The following UNC80 variants were observed in gnomAD, a reference collection of about 807,000 sequenced individuals.
UNC80 encodes the protein unc-80 subunit of NALCN channel complex.
UNC80 carries 164 observed loss-of-function variants against 384.6 expected under a neutral mutation model. That is an observed-to-expected ratio of 0.43 (90% CI 0.38 to 0.49). The LOEUF is 0.49. Among genes scored for constraint, UNC80 ranks in the 20% least tolerant of loss-of-function variants. The pLI, the probability that UNC80 is intolerant of heterozygous loss-of-function variation, is 0.00. For missense variants in UNC80, 3,330 were observed against 4,143.0 expected, an observed-to-expected ratio of 0.80 and a Z score of 5.39; for synonymous variants, 1,486 against 1,527.8, an observed-to-expected ratio of 0.97 and a Z score of 0.64.
At chr2:209,979,019 C>T (rs914846994) in intron 59 of UNC80, among the ~76,000 whole-genome samples, 2 of 152,146 alleles carry the variant, frequency 1.3e-5, no homozygotes, top group African/African-American at 2.4e-5. Context: ...GAGGCCGAGG[C>T]GGGTGGATCA....
rs2093425795 is a variant in UNC80, at chr2:209,993,329, A to G, written c.9411A>G (p.Leu3137=). 6 of 1,551,890 alleles carry G rather than the reference A, an allele frequency of 3.9e-6. No homozygotes were observed. The highest frequency in any genetic ancestry group is 5.2e-6 in the Non-Finnish European group (6 of 1,146,932). ...KRGLRQLRRP[L]LSRQKTQTEP... is the part of the protein sequence containing the mutation. ...ATTCTCTTTAGCTAAGACGTCCTCT[A>G]CTATCACGTCAGAAAACTCAGACTG... is the stretch of plus-strand genomic sequence containing the variant. Residue 3137 remains leucine, a synonymous_variant, in exon 63 of 65, where the codon CTA becomes CTG. Transcript: ENST00000673920.
In UNC80 at chr2:209,864,987, GC is replaced by G. The variant is rs1256497979; in HGVS notation, c.3628-7770del. 5.9e-5 allele frequency among the ~76,000 whole-genome samples: 9 copies of G among 152,076 alleles called. 1 individual carries two copies. Among genetic ancestry groups the G allele is most frequent in the African/African-American group, 2.2e-4 (9 of 41,376 alleles). The stretch of plus-strand genomic sequence containing the variant: ...CTCTGGTGGCGTGAGTTCGTGAGGG[GC>G]ATCTTCGGATCTGTGGGTTGCACAA... On this transcript the variant is annotated intron_variant, in intron 22 of 64. Transcript: ENST00000673920.
chr2:209,945,013 G>A (rs2091845035), intron 45 of UNC80, 38 bp from the exon 46 acceptor site: 18 of 1,547,862 alleles, frequency 1.2e-5, no homozygotes, highest in Non-Finnish European at 1.5e-5. Context: ...TTTTACTGTG[G>A]TGGGAGTCAA....
intron 7 of UNC80, 147 bp from the exon 8 acceptor site, chr2:209,813,433 A>C: frequency 1.3e-6 from 1 of 781,604 alleles, no homozygotes; most frequent in Non-Finnish European, 2.0e-6. Flanking sequence ...GAGAGAGACC[A>C]GTTGGAAGGA....
At chr2:209,944,762 A>AAG (rs2091830942) in intron 45 of UNC80, among the ~76,000 whole-genome samples, 1 of 152,166 alleles carries the variant, frequency 6.6e-6, no homozygotes, top group Admixed American at 6.5e-5. Flanking sequence ...TCTTCAATTA[A>AAG]AGGAACCATT....
chr2:209,820,250 C>A lies in UNC80; in HGVS notation c.1963-61C>A. ...AATGGGTTAAACAGAATAATCAGAT[C>A]TCTTTAGGAAGAGGGAGTGCAGGTA... is the stretch of plus-strand genomic sequence containing the variant. On this transcript the variant is annotated intron_variant, in intron 12 of 64. Coordinates refer to ENST00000673920, the MANE Select transcript of UNC80 (RefSeq NM_001371986.1). 14 of 1,459,214 alleles carry A rather than the reference C, an allele frequency of 9.6e-6. No individual in the cohort carries two copies. In the South Asian group the frequency reaches 1.7e-4, roughly 17 times the overall value. 90.4% of individuals were successfully genotyped at this position (1,459,214 alleles called of 1,614,324 possible). A position where few individuals can be genotyped will look rare whatever the true frequency, so the allele number is the denominator to read the frequency against.
intron 13 of UNC80, 71 bp downstream of exon 13, chr2:209,820,750 G>A: frequency 6.9e-7 from 1 of 1,452,204 alleles, no homozygotes; most frequent in Non-Finnish European, 9.1e-7. Context: ...TTGCTTGCCA[G>A]CAGTTTATTG....
intron 61 of UNC80, among the ~76,000 whole-genome samples, chr2:209,985,614 A>G (rs2093270908): frequency 6.6e-6 from 1 of 152,236 alleles, no homozygotes; most frequent in Admixed American, 6.5e-5. Flanking sequence ...AAAGCTTCAG[A>G]AAAGGGGACT....
intron 5 of UNC80, among the ~76,000 whole-genome samples, chr2:209,786,612 G>A (rs2077441704): frequency 6.6e-6 from 1 of 152,032 alleles, no homozygotes; most frequent in Non-Finnish European, 1.5e-5. Context: ...TCATCTTAGT[G>A]TTGTATTGTT....
chr2:209,993,327 C>G lies in UNC80; in HGVS notation c.9409C>G (p.Leu3137Val), dbSNP rs909324570. The change falls in exon 63 of 65, where the codon CTA becomes GTA. Residue 3137 changes from leucine (L) to valine (V), a missense_variant. Around this residue, in one of 8 missense-constraint regions of UNC80, gnomAD observed 236 missense variants for 254.9 expected, o/e 0.93. Coordinates refer to ENST00000673920, the MANE Select transcript of UNC80 (RefSeq NM_001371986.1). ...KRGLRQLRRP[L>V]LSRQKTQTEP... Reference sequence around the variant, plus strand: ...CTATTCTCTTTAGCTAAGACGTCCTCTACTATCACGTCAGAAAACTCAGAC... The same window carrying G: ...CTATTCTCTTTAGCTAAGACGTCCTGTACTATCACGTCAGAAAACTCAGAC... The G allele has an allele frequency of 7.7e-6, 12 of 1,551,768 alleles. No homozygotes were observed. In the African/African-American group the frequency reaches 1.6e-4, roughly 21 times the overall value.
At chr2:209,885,097 A>G (rs986971040) in intron 25 of UNC80, among the ~76,000 whole-genome samples, 67 of 151,986 alleles carry the variant, frequency 4.4e-4, no homozygotes, top group African/African-American at 1.6e-3. Context: ...AAAAAAAAAC[A>G]CTGGATTTCA....
chr2:209,945,339 TTGAA>T (rs1356487999), intron 46 of UNC80, 150 bp downstream of exon 46: 3 of 796,910 alleles, frequency 3.8e-6, no homozygotes, highest in Non-Finnish European at 5.5e-6. Context: ...GTAGTAGAAA[TTGAA>T]TGAGTACATT....
intron 35 of UNC80, among the ~76,000 whole-genome samples, chr2:209,924,778 T>G (rs1014974665): frequency 3.3e-5 from 5 of 151,996 alleles, no homozygotes; most frequent in Non-Finnish European, 7.4e-5. Flanking sequence ...TTGCTGATTT[T>G]TTTTTTTTTT....
chr2:209,856,949 C>G (rs2082979619), intron 22 of UNC80, among the ~76,000 whole-genome samples: 1 of 151,978 alleles, frequency 6.6e-6, no homozygotes, highest in Non-Finnish European at 1.5e-5. Flanking sequence ...GCCACCATGC[C>G]TGGCTAAGTT....
intron 59 of UNC80, among the ~76,000 whole-genome samples, chr2:209,979,293 C>A (rs1168996136): frequency 6.8e-6 from 1 of 147,174 alleles, no homozygotes; most frequent in Non-Finnish European, 1.5e-5. Flanking sequence ...TTTCTTTAAA[C>A]CTATATAGTC....
At chr2:209,916,180 G>A (rs1443326472) in intron 31 of UNC80, among the ~76,000 whole-genome samples, 3 of 152,146 alleles carry the variant, frequency 2.0e-5, no homozygotes, top group African/African-American at 7.2e-5. Flanking sequence ...GAAATAGTGA[G>A]AGTAGATGGG....
intron 13 of UNC80, among the ~76,000 whole-genome samples, chr2:209,823,388 T>C (rs2080275183): frequency 6.6e-6 from 1 of 152,210 alleles, no homozygotes; most frequent in African/African-American, 2.4e-5. Context: ...AATAAGCCCT[T>C]GCTCAGGATG....
chr2:209,935,214 T>C (rs900185456), intron 39 of UNC80, among the ~76,000 whole-genome samples: 4 of 152,232 alleles, frequency 2.6e-5, no homozygotes, highest in African/African-American at 9.6e-5. Flanking sequence ...ATATGTCTCT[T>C]AAGTTATTCC....
chr2:209,813,543 T>A, intron 7 of UNC80, 37 bp from the exon 8 acceptor site: 1 of 1,534,926 alleles, frequency 6.5e-7, no homozygotes, highest in Non-Finnish European at 8.8e-7. Context: ...GAAAGCTTGA[T>A]TGTCAGTATA....
Sources: gnomAD v4.1 joint callset for allele counts (sites outside exome capture counted in the v4.1 genomes callset) on GRCh38, gnomAD v4.1.1 for gene constraint, gnomAD v4.1.1 regional missense constraint, MANE v1.5 for transcripts, NCBI Gene and HGNC (gene_info 2026-07-23, HGNC 2026-07-21) for gene names.